Variants in PYY observed in about 807,000 individuals in gnomAD.
The protein encoded by PYY is peptide tyrosine tyrosine.
PYY carries 12 observed loss-of-function variants against 10.3 expected under a neutral mutation model. The observed-to-expected ratio is 1.17, with a 90% confidence interval of 0.75 to 1.89. PYY has a LOEUF of 1.89. Ranked by LOEUF, PYY falls within the 40% of genes most tolerant of loss-of-function variation. The pLI is 0.00. For synonymous variants in PYY, 66 were observed against 62.0 expected, an observed-to-expected ratio of 1.06 and a Z score of -0.30; for missense variants, 141 against 134.0, an observed-to-expected ratio of 1.05 and a Z score of -0.26.
chr17:43,973,618 A>G (rs984410510), intron 1 of PYY, among the ~76,000 whole-genome samples: 1 of 152,120 alleles, frequency 6.6e-6, no homozygotes, highest in Admixed American at 6.5e-5. Flanking sequence ...AACTTGGTGA[A>G]ACCCCGTCTC....
At chr17:44,003,640 G>T (rs2049046201) in intron 1 of PYY, among the ~76,000 whole-genome samples, 1 of 125,694 alleles carries the variant, frequency 8.0e-6, no homozygotes, top group African/African-American at 3.0e-5. Context: ...GGGCAATAGG[G>T]TGGGACTCCA....
At chr17:44,001,502 A>G (rs2143970938) in intron 1 of PYY, among the ~76,000 whole-genome samples, 1 of 147,296 alleles carries the variant, frequency 6.8e-6, no homozygotes. Flanking sequence ...AGACACTCAC[A>G]CTCTTCTCCT....
intron 1 of PYY, among the ~76,000 whole-genome samples, chr17:43,982,217 C>T (rs941756285): frequency 6.6e-6 from 1 of 152,198 alleles, no homozygotes; most frequent in Non-Finnish European, 1.5e-5. Context: ...TAGTAAGCAC[C>T]CCCATTTCAG....
At chr17:43,982,958 G>A (rs552470944) in intron 1 of PYY, among the ~76,000 whole-genome samples, 7 of 152,220 alleles carry the variant, frequency 4.6e-5, no homozygotes, top group African/African-American at 1.7e-4. Context: ...GAGGCCGGGC[G>A]TGGTGGTTCA....
intron 1 of PYY, among the ~76,000 whole-genome samples, chr17:43,979,596 T>C (rs1410529152): frequency 2.6e-5 from 4 of 151,384 alleles, no homozygotes; most frequent in Non-Finnish European, 2.9e-5. Flanking sequence ...GAGGGTCACT[T>C]AATGCTGGGA....
chr17:43,953,855 T>G lies in PYY; in HGVS notation c.-6A>C. On this transcript the variant is annotated 5_prime_UTR_variant, in exon 1 of 4. Transcript: ENST00000692052. ...TTGAGCCCCCAGCCACTCACAGCGATAGCTTGTGAAGCAGACGAGCAGGAG... is the reference window on the plus strand; with the variant it reads ...TTGAGCCCCCAGCCACTCACAGCGAGAGCTTGTGAAGCAGACGAGCAGGAG... 1 of 175,882 alleles carries G rather than the reference T, an allele frequency of 5.7e-6. No homozygotes were observed. Among genetic ancestry groups the G allele is most frequent in the Non-Finnish European group, 1.2e-5 (1 of 82,566 alleles). The allele number at this position is 175,882 out of a possible 1,614,324, so 10.9% of individuals were successfully genotyped here.
chr17:43,966,195 T>TA (rs1230569028), intron 2 of PYY: 2 of 152,946 alleles, frequency 1.3e-5, no homozygotes, highest in African/African-American at 4.8e-5. Flanking sequence ...TCTCACATAT[T>TA]ATTTTAGTCT....
chr17:43,987,681 TG>T lies in PYY; in HGVS notation c.-463+16709del, dbSNP rs1175692778. On this transcript the variant is annotated intron_variant, in intron 1 of 6. Coordinates refer to the PYY transcript ENST00000360085. This position sits in a 1 kb window ranked among gnomAD's most constrained non-coding sequence, Gnocchi z 4.0. ...CTTTGTTCATCCAACCAACATTCAC[TG>T]GGCCCCTCGTCTGTGCCAGTCCTTG... 6.6e-6 allele frequency among the ~76,000 whole-genome samples: 1 copy of T among 152,234 alleles called. No homozygotes were observed. Among genetic ancestry groups the T allele is most frequent in the Non-Finnish European group, 1.5e-5 (1 of 68,046 alleles).
intron 1 of PYY, among the ~76,000 whole-genome samples, chr17:43,998,085 CCCA>C (rs2049002837): frequency 6.6e-6 from 1 of 152,014 alleles, no homozygotes; most frequent in South Asian, 2.1e-4. Flanking sequence ...ATTACAGATG[CCCA>C]CCACCACATC....
intron 1 of PYY, among the ~76,000 whole-genome samples, chr17:43,973,708 T>C (rs2143923300): frequency 6.6e-6 from 1 of 152,224 alleles, no homozygotes; most frequent in South Asian, 2.1e-4. Flanking sequence ...GGCAGGAGAA[T>C]CACTTGAACC....
rs368902315 is a variant in PYY at position 43,999,155 on chromosome 17, G to A, written c.-463+5236C>T. On this transcript the variant is annotated intron_variant, in intron 1 of 6. Transcript: ENST00000360085. ...CCTGAGGCCAGGTGAAGGGGGTATC[G>A]AGGAGGAGGGAGGGAGGCAAAGGTG... Among the ~76,000 whole-genome samples the A allele has an allele frequency of 2.8e-4, 43 of 152,184 alleles. No individual in the cohort carries two copies. The South Asian group carries it at 8.1e-3, about 29-fold the overall frequency.
chr17:43,971,680 G>GTT lies in PYY; in HGVS notation c.-462-5150_-462-5149dup, dbSNP rs35026725. 6.4e-3 allele frequency among the ~76,000 whole-genome samples: 918 copies of GTT among 143,684 alleles called. 3 individuals carry two copies. The highest frequency in any genetic ancestry group is 0.015 in the African/African-American group (589 of 39,484). 94.3% of individuals were successfully genotyped at this position (143,684 alleles called of 152,430 possible). A position where few individuals can be genotyped will look rare whatever the true frequency, so the allele number is the denominator to read the frequency against. ...CCTTGGTGCAGTGTCTGTTCATGTG[G>GTT]TTTTTTTTTTTTTAAGTGGGTTGTT... On this transcript the variant is annotated intron_variant, in intron 1 of 6. Transcript: ENST00000360085.
At position 43,972,196 on chromosome 17, in the gene PYY, TTTA is replaced by T. The variant is rs532937336; in HGVS notation, c.-462-5667_-462-5665del. The stretch of plus-strand genomic sequence containing the variant: ...TATTTATTTATTTTATTTTATTTTA[TTTA>T]TTTATTTATTTATTTATTTATTTAT... On this transcript the variant is annotated intron_variant, in intron 1 of 6. Transcript: ENST00000360085. 1.4e-3 allele frequency among the ~76,000 whole-genome samples: 133 copies of T among 91,958 alleles called. No homozygotes were observed. The East Asian group carries it at 0.074, about 51-fold the overall frequency. 60.3% of individuals were successfully genotyped at this position (91,958 alleles called of 152,430 possible). A position where few individuals can be genotyped will look rare whatever the true frequency, so the allele number is the denominator to read the frequency against.
chr17:43,952,960 C>T lies in PYY; in HGVS notation c.290G>A (p.Trp97Ter), dbSNP rs201282783. 1.9e-6 allele frequency: 3 copies of T among 1,554,828 alleles called. No individual in the cohort carries two copies. In the Admixed American group the frequency reaches 6.1e-5, roughly 32 times the overall value. The change falls in exon 4 of 4, where the codon TGG becomes TAG. Residue 97 changes from tryptophan (W) to a stop codon, truncating the protein, a stop_gained. Coordinates refer to ENST00000692052, the MANE Select transcript of PYY (RefSeq NM_001394028.1). LOFTEE classifies it high-confidence loss of function. ...CCCAGGAGGCCTCAGGGGTCCTCAC[C>T]ACAGGTCTGGGCCCTCCGACCTGCG... ...VRSRSEGPDL[W>*]
chr17:43,964,614 G>A (rs995731834), intron 2 of PYY, among the ~76,000 whole-genome samples: 2 of 152,198 alleles, frequency 1.3e-5, no homozygotes, highest in African/African-American at 4.8e-5. Flanking sequence ...GCCAGGCATG[G>A]TGGCGCATGC....
upstream of PYY, among the ~76,000 whole-genome samples, chr17:43,955,595 G>A (rs559674582): frequency 9.0e-4 from 137 of 152,164 alleles, 2 homozygotes; most frequent in African/African-American, 3.1e-3. Flanking sequence ...GGAGGGAGGA[G>A]AAAAATCATT....
chr17:43,958,135 C>CAAAAAAACAAAAAAAAAAAAAAAA (rs2048687114), upstream of PYY: 1 of 47,276 alleles, frequency 2.1e-5, no homozygotes, highest in Non-Finnish European at 3.7e-5. Context: ...CTGAATACAC[C>CAAAAAAACAAAAAAAAAAAAAAAA]AAAAAAAAAA....
chr17:43,986,759 C>G (rs904798586), intron 1 of PYY, among the ~76,000 whole-genome samples: 4 of 152,212 alleles, frequency 2.6e-5, no homozygotes, highest in African/African-American at 4.8e-5. Flanking sequence ...GTCAGCGCAG[C>G]CTGCGTGTTC....
intron 2 of PYY, among the ~76,000 whole-genome samples, chr17:43,960,142 T>C (rs2048701359): frequency 6.6e-6 from 1 of 152,182 alleles, no homozygotes; most frequent in African/African-American, 2.4e-5. Flanking sequence ...ATTTCTCTCT[T>C]GTATAAGAAA....
Sources: allele counts gnomAD v4.1 joint callset (sites outside exome capture counted in the v4.1 genomes callset), GRCh38; gene constraint gnomAD v4.1.1; non-coding constraint Gnocchi (gnomAD v3.1); transcripts MANE v1.5; gene names NCBI Gene and HGNC (gene_info 2026-07-23, HGNC 2026-07-21).